Variants in ARHGAP39 observed in about 807,000 individuals in gnomAD.
ARHGAP39 encodes the protein rho GTPase-activating protein 39.
A neutral mutation model predicts 106.9 loss-of-function variants in ARHGAP39; 44 were observed. The ratio of observed to expected loss-of-function variants is 0.41; its 90% CI spans 0.32 to 0.53. ARHGAP39 has a LOEUF of 0.53. ARHGAP39 is among the 20% of genes least tolerant of loss of function. The pLI, the probability that ARHGAP39 is intolerant of heterozygous loss-of-function variation, is 0.21. For missense variants in ARHGAP39, 1,496 were observed against 1,577.3 expected (o/e 0.95, Z 0.87); for synonymous variants, 768 against 693.2 (o/e 1.11, Z -1.69).
At position 144,605,615 on chromosome 8, in the gene ARHGAP39, C is replaced by T. The variant is rs547954242; in HGVS notation, c.-1G>A. The T allele has an allele frequency of 1.5e-5, 24 of 1,613,200 alleles. No homozygotes were observed. The highest frequency in any genetic ancestry group is 6.7e-5 in the East Asian group (3 of 44,884). ...ACTCGTAGTCCTGCGTCTGGGACAT[C>T]GCTGTTTGCTTCCGCGCCCACGTGG... is the stretch of plus-strand genomic sequence containing the variant. On this transcript the variant is annotated 5_prime_UTR_variant, in exon 2 of 12. Transcript: ENST00000377307.
In ARHGAP39 at chr8:144,547,761, C is replaced by A; in HGVS notation, c.1325G>T (p.Gly442Val). 6.3e-7 allele frequency: 1 copy of A among 1,598,430 alleles called. No individual in the cohort carries two copies. ...GGTGCTGTAGTCTCCGGACTTGACG[C>A]CCAGGCGCTGGTCCCTCAGCAGGCA... ...SPCLLRDQRL[G>V]VKSGDYSTME... The change falls in exon 5 of 12, where the codon GGC (glycine) becomes GTC (valine). Residue 442 changes from glycine (G) to valine (V), a missense_variant. Physicochemically the swap from Gly to Val is moderately radical, Grantham distance 109. Coordinates refer to ENST00000377307, the MANE Select transcript of ARHGAP39 (RefSeq NM_025251.3). This position sits in a 1 kb window ranked among gnomAD's most constrained non-coding sequence, Gnocchi z 5.2.
At chr8:144,681,729 T>G (rs1424803745) in intron 1 of ARHGAP39, among the ~76,000 whole-genome samples, 1 of 152,190 alleles carries the variant, frequency 6.6e-6, no homozygotes, top group Non-Finnish European at 1.5e-5. Flanking sequence ...AAAATCTATC[T>G]TAGGCTATTT....
In ARHGAP39 at chr8:144,547,402, C is replaced by T; in HGVS notation, c.1684G>A (p.Glu562Lys). Residue 562 changes from glutamate (E) to lysine (K), a missense_variant, in exon 5 of 12, where the codon GAG becomes AAG. Coordinates refer to ENST00000377307, the MANE Select transcript of ARHGAP39 (RefSeq NM_025251.3). The surrounding 1 kb of genome is among the most constrained non-coding windows in gnomAD (Gnocchi z 5.2). ...PFLAQARLAW[E>K]AQQAHFHMKQ... ...ATGTGGAAGTGGGCCTGCTGCGCCT[C>T]CCAGGCCAGCCGAGCCTGCGCCAGG... 6.3e-7 allele frequency: 1 copy of T among 1,591,848 alleles called. No individual in the cohort carries two copies. Among genetic ancestry groups the T allele is most frequent in the Non-Finnish European group, 8.5e-7 (1 of 1,176,104 alleles).
chr8:144,596,414 C>T (rs774799082), intron 2 of ARHGAP39, among the ~76,000 whole-genome samples: 6 of 152,232 alleles, frequency 3.9e-5, no homozygotes, highest in Non-Finnish European at 5.9e-5. Context: ...TGTCCATCAC[C>T]GCTCAGTGCT....
chr8:144,602,509 TGGA>T (rs1820055116), intron 2 of ARHGAP39, among the ~76,000 whole-genome samples: 1 of 131,340 alleles, frequency 7.6e-6, no homozygotes, highest in Non-Finnish European at 1.6e-5. Flanking sequence ...TCTGTGTACA[TGGA>T]GGCGTGCATG....
Position 144,530,635 on chromosome 8 carries a change from T to TG in ARHGAP39, c.3151-20dup. 4.1e-6 allele frequency: 2 copies of TG among 486,482 alleles called. No individual in the cohort carries two copies. The highest frequency in any genetic ancestry group is 5.1e-6 in the Non-Finnish European group (2 of 389,496). 30.1% of individuals were successfully genotyped at this position (486,482 alleles called of 1,614,324 possible). ...CGAAGACCTGGTGGAGGAGCGAGGGTGGGCGCGGAGGGGCGGGGGCGGGGC... is the reference window on the plus strand; with the variant it reads ...CGAAGACCTGGTGGAGGAGCGAGGGTGGGGCGCGGAGGGGCGGGGGCGGGGC... On this transcript the variant is annotated intron_variant, in intron 11 of 11. Coordinates refer to ENST00000377307, the MANE Select transcript of ARHGAP39 (RefSeq NM_025251.3).
At position 144,684,114 on chromosome 8, in the gene ARHGAP39, C is replaced by G. The variant is rs1822508721; in HGVS notation, c.-82+1572G>C. On this transcript the variant is annotated intron_variant, in intron 1 of 11. Coordinates refer to ENST00000377307, the MANE Select transcript of ARHGAP39 (RefSeq NM_025251.3). This position sits in a 1 kb window ranked among gnomAD's most constrained non-coding sequence, Gnocchi z 4.4. Reference sequence around the variant, plus strand: ...GAGGCGGGCAGCCTGGCTCCAGAACCCGCCCTCCTGTCCACTCTGCTCCCC... The same window carrying G: ...GAGGCGGGCAGCCTGGCTCCAGAACGCGCCCTCCTGTCCACTCTGCTCCCC... 6.6e-6 allele frequency among the ~76,000 whole-genome samples: 1 copy of G among 152,210 alleles called. No individual in the cohort carries two copies. Among genetic ancestry groups the G allele is most frequent in the Admixed American group, 6.5e-5 (1 of 15,280 alleles).
chr8:144,674,767 C>T (rs766770586), intron 1 of ARHGAP39, among the ~76,000 whole-genome samples: 9 of 152,214 alleles, frequency 5.9e-5, no homozygotes, highest in Non-Finnish European at 1.2e-4. Context: ...CCTGTGCTCG[C>T]TCGTCGGCAC....
Position 144,629,881 on chromosome 8 carries a change from T to G in ARHGAP39, c.-81-24186A>C, listed in dbSNP as rs147498398. On this transcript the variant is annotated intron_variant, in intron 1 of 11. Transcript: ENST00000377307. ...TGGGGGACTTGCTGGGGGCACATCC[T>G]GAGGGATGGCAAAGGCGGCACCTCC... Among the ~76,000 whole-genome samples the G allele has an allele frequency of 1.9e-4, 29 of 152,040 alleles. No homozygotes were observed. In the East Asian group the frequency reaches 5.6e-3, roughly 29 times the overall value.
chr8:144,612,748 T>C (rs1404095387), intron 1 of ARHGAP39, among the ~76,000 whole-genome samples: 2 of 150,404 alleles, frequency 1.3e-5, no homozygotes, highest in African/African-American at 4.9e-5. Context: ...CAGAGTGAGG[T>C]GAGCCACGGC....
At chr8:144,536,000 G>C (rs61493683) in intron 7 of ARHGAP39, among the ~76,000 whole-genome samples, 11,308 of 152,278 alleles carry the variant, frequency 0.074, 1,351 homozygotes, top group African/African-American at 0.25. Context: ...GTCTAGGAAG[G>C]TGGGGATGAC....
chr8:144,643,795 T>G (rs1222828638), intron 1 of ARHGAP39, among the ~76,000 whole-genome samples: 1 of 152,190 alleles, frequency 6.6e-6, no homozygotes, highest in Non-Finnish European at 1.5e-5. Flanking sequence ...ATGCCTAGCT[T>G]GTCTTTTCAT....
In ARHGAP39 at chr8:144,647,411, C is replaced by T; in HGVS notation, c.-82+38275G>A. Among the ~76,000 whole-genome samples, 1 of 152,186 alleles carries T rather than the reference C, an allele frequency of 6.6e-6. No individual in the cohort carries two copies. Among genetic ancestry groups the T allele is most frequent in the Middle Eastern group, 3.2e-3 (1 of 316 alleles). ...CCCTCACTGTGCAGAGTCCCTGAGACTTCCCCACAGGCACCATGGGCTTGA... is the reference window on the plus strand; with the variant it reads ...CCCTCACTGTGCAGAGTCCCTGAGATTTCCCCACAGGCACCATGGGCTTGA... On this transcript the variant is annotated intron_variant, in intron 1 of 11. Coordinates refer to ENST00000377307, the MANE Select transcript of ARHGAP39 (RefSeq NM_025251.3). The surrounding 1 kb of genome is among the most constrained non-coding windows in gnomAD (Gnocchi z 4.8).
intron 1 of ARHGAP39, among the ~76,000 whole-genome samples, chr8:144,659,192 G>A (rs1229187725): frequency 6.6e-6 from 1 of 152,018 alleles, no homozygotes; most frequent in African/African-American, 2.4e-5. Context: ...CACTGTAAAG[G>A]ACATAATTAC....
At position 144,599,602 on chromosome 8, in the gene ARHGAP39, C is replaced by T. The variant is rs957880548; in HGVS notation, c.80+5933G>A. On this transcript the variant is annotated intron_variant, in intron 2 of 11. Coordinates refer to ENST00000377307, the MANE Select transcript of ARHGAP39 (RefSeq NM_025251.3). Reference sequence around the variant, plus strand: ...CTGTGTACGGTTGGGGCTTTGGGAACGTGCGAATGGTCTATATGTTTAAAA... The same window carrying T: ...CTGTGTACGGTTGGGGCTTTGGGAATGTGCGAATGGTCTATATGTTTAAAA... 9.9e-5 allele frequency among the ~76,000 whole-genome samples: 15 copies of T among 152,050 alleles called. No individual in the cohort carries two copies. In the East Asian group the frequency reaches 1.5e-3, roughly 16 times the overall value.
rs565271520 is a variant in ARHGAP39, at chr8:144,600,428, G to A, written c.80+5107C>T. 6.7e-5 allele frequency among the ~76,000 whole-genome samples: 10 copies of A among 149,212 alleles called. No homozygotes were observed. The East Asian group carries it at 7.9e-4, about 12-fold the overall frequency. On this transcript the variant is annotated intron_variant, in intron 2 of 11. Transcript: ENST00000377307. ...TGTGCACTTGTGTACCTGAGTGTGC[G>A]TGTTCGTGGAGGCGTGCATGTGCAC... is the stretch of plus-strand genomic sequence containing the variant.
At chr8:144,682,244 CAAAAAAA>C (rs1199836499) in intron 1 of ARHGAP39, among the ~76,000 whole-genome samples, 2 of 30,686 alleles carry the variant, frequency 6.5e-5, no homozygotes, top group African/African-American at 1.5e-4. Flanking sequence ...GACTCTATCT[CAAAAAAA>C]AAAAAAAAAA....
Position 144,684,653 on chromosome 8 carries a change from G to A in ARHGAP39, c.-82+1033C>T, listed in dbSNP as rs1822529876. Among the ~76,000 whole-genome samples the A allele has an allele frequency of 1.3e-5, 2 of 152,170 alleles. 1 individual carries two copies. The highest frequency in any genetic ancestry group is 4.1e-4 in the South Asian group (2 of 4,828). On this transcript the variant is annotated intron_variant, in intron 1 of 11. Transcript: ENST00000377307. The surrounding 1 kb of genome is among the most constrained non-coding windows in gnomAD (Gnocchi z 4.4). The stretch of plus-strand genomic sequence containing the variant: ...ACGTTTTAAAATAAAAAACGTCCTG[G>A]GCCCCAAAATGCACAGCCCGCCTCT...
At chr8:144,568,859 G>A (rs977719843) in intron 3 of ARHGAP39, among the ~76,000 whole-genome samples, 3 of 150,706 alleles carry the variant, frequency 2.0e-5, no homozygotes, top group African/African-American at 7.4e-5. Context: ...TAAAATGCTC[G>A]ATTAGTGCAG....
Sources: allele counts gnomAD v4.1 joint callset (sites outside exome capture counted in the v4.1 genomes callset), GRCh38; gene constraint gnomAD v4.1.1; non-coding constraint Gnocchi (gnomAD v3.1); transcripts MANE v1.5; gene names NCBI Gene and HGNC (gene_info 2026-07-23, HGNC 2026-07-21).